The following ODAD2 variants were observed in gnomAD, a reference collection of about 807,000 sequenced individuals.
The protein encoded by ODAD2 is outer dynein arm docking complex subunit 2.
Under a neutral mutation model 106.8 loss-of-function variants are expected in ODAD2, and 89 were observed. The ratio of observed to expected loss-of-function variants is 0.83; its 90% CI spans 0.70 to 0.99. The LOEUF (loss-of-function observed/expected upper bound fraction) is 0.99. ODAD2 is among the 50% of genes least tolerant of loss of function. ODAD2 has a pLI of 0.00. For synonymous variants in ODAD2, 404 were observed against 436.2 expected (o/e 0.93, Z 0.92); for missense variants, 1,168 against 1,238.5 (o/e 0.94, Z 0.85).
intron 7 of ODAD2, among the ~76,000 whole-genome samples, chr10:27,972,836 A>G (rs1848945799): frequency 6.6e-6 from 1 of 152,288 alleles, no homozygotes; most frequent in African/African-American, 2.4e-5. Flanking sequence ...CTCAGTAATC[A>G]ATAAAATGAG....
At chr10:27,915,352 G>C (rs1014814417) in intron 16 of ODAD2, among the ~76,000 whole-genome samples, 15 of 152,108 alleles carry the variant, frequency 9.9e-5, no homozygotes, top group African/African-American at 3.6e-4. Flanking sequence ...CAGATTCAGT[G>C]TCTAGTGAGA....
chr10:27,831,257 G>A (rs1307707198), intron 19 of ODAD2, among the ~76,000 whole-genome samples: 1 of 152,112 alleles, frequency 6.6e-6, no homozygotes, highest in Non-Finnish European at 1.5e-5. Context: ...AATGCTCTAT[G>A]AATTGGAGGC....
intron 17 of ODAD2, among the ~76,000 whole-genome samples, chr10:27,894,283 T>C (rs1842730863): frequency 6.6e-6 from 1 of 151,998 alleles, no homozygotes; most frequent in African/African-American, 2.4e-5. Flanking sequence ...TGGGGAAAGT[T>C]TTGGATAGTG....
At chr10:27,844,501 G>C (rs899726703) in intron 19 of ODAD2, among the ~76,000 whole-genome samples, 1 of 152,208 alleles carries the variant, frequency 6.6e-6, no homozygotes, top group Non-Finnish European at 1.5e-5. Flanking sequence ...TCTGGCACTT[G>C]AGCAATACCT....
At chr10:27,848,992 G>A (rs1172820047) in intron 19 of ODAD2, among the ~76,000 whole-genome samples, 1 of 152,178 alleles carries the variant, frequency 6.6e-6, no homozygotes, top group East Asian at 1.9e-4. Context: ...AAGACAGTGT[G>A]GTGATTCCTC....
chr10:27,929,050 T>C (rs1845441975), intron 16 of ODAD2, among the ~76,000 whole-genome samples: 1 of 152,202 alleles, frequency 6.6e-6, no homozygotes, highest in East Asian at 1.9e-4. Flanking sequence ...ATGAACAAAA[T>C]GGGATTGTAC....
intron 16 of ODAD2, among the ~76,000 whole-genome samples, chr10:27,911,517 T>A (rs1046591402): frequency 2.6e-5 from 4 of 152,192 alleles, no homozygotes; most frequent in Non-Finnish European, 4.4e-5. Flanking sequence ...TAATCTGTAA[T>A]AAATGCTGCA....
chr10:27,985,265 T>C (rs2133138231), intron 3 of ODAD2, 54 bp from the exon 4 acceptor site: 1 of 1,346,840 alleles, frequency 7.4e-7, no homozygotes, highest in Non-Finnish European at 9.9e-7. Context: ...TGTCTTCTAG[T>C]ACAACAAACA....
intron 16 of ODAD2, among the ~76,000 whole-genome samples, chr10:27,922,366 T>G (rs2133973659): frequency 6.6e-6 from 1 of 152,170 alleles, no homozygotes; most frequent in African/African-American, 2.4e-5. Flanking sequence ...GAACTTAAGC[T>G]AATTGAATCA....
chr10:27,837,852 T>C (rs948951415), intron 19 of ODAD2, among the ~76,000 whole-genome samples: 4 of 152,282 alleles, frequency 2.6e-5, no homozygotes, highest in Middle Eastern at 3.4e-3. Flanking sequence ...CTAAAGACAA[T>C]AGTTGTTCTG....
chr10:27,989,774 G>A (rs184415791), intron 2 of ODAD2, among the ~76,000 whole-genome samples: 1 of 152,302 alleles, frequency 6.6e-6, no homozygotes, highest in Non-Finnish European at 1.5e-5. Flanking sequence ...CTTGAGCCCG[G>A]GAGGCGGGAG....
chr10:27,831,622 G>T (rs1015329163), intron 19 of ODAD2, among the ~76,000 whole-genome samples: 1 of 152,222 alleles, frequency 6.6e-6, no homozygotes. Flanking sequence ...CCAAGCCCTA[G>T]ATTCCATGCT....
chr10:27,896,714 C>T (rs531250333), intron 17 of ODAD2, among the ~76,000 whole-genome samples: 1 of 152,038 alleles, frequency 6.6e-6, no homozygotes, highest in African/African-American at 2.4e-5. Flanking sequence ...TTTTTTTCTC[C>T]ATCTGTGCTT....
intron 18 of ODAD2, among the ~76,000 whole-genome samples, chr10:27,862,131 G>A (rs1840091784): frequency 6.6e-6 from 1 of 152,160 alleles, no homozygotes; most frequent in Admixed American, 6.5e-5. Context: ...GATGGTGGCG[G>A]TGAAGATGAT....
At chr10:27,850,216 G>T (rs566652601) in intron 19 of ODAD2, among the ~76,000 whole-genome samples, 37 of 152,182 alleles carry the variant, frequency 2.4e-4, no homozygotes, top group African/African-American at 8.4e-4. Flanking sequence ...AGGCCAAGAC[G>T]GGTGAATCAC....
chr10:27,917,969 G>A (rs945744388), intron 16 of ODAD2, among the ~76,000 whole-genome samples: 6 of 151,338 alleles, frequency 4.0e-5, no homozygotes, highest in African/African-American at 1.5e-4. Flanking sequence ...GACCCAAGAA[G>A]GAATTGAAAA....
chr10:27,872,604 T>C (rs960403046), intron 17 of ODAD2, among the ~76,000 whole-genome samples: 1 of 152,218 alleles, frequency 6.6e-6, no homozygotes, highest in Non-Finnish European at 1.5e-5. Flanking sequence ...CCTGCATCCA[T>C]TGAGATAATC....
chr10:27,944,728 A>C, intron 11 of ODAD2, 88 bp downstream of exon 11: 1 of 1,508,708 alleles, frequency 6.6e-7, no homozygotes, highest in Non-Finnish European at 9.1e-7. Context: ...AGAACCAGGC[A>C]ACGAGGCATG....
At chr10:27,941,485 C>G (rs1189946888) in intron 12 of ODAD2, among the ~76,000 whole-genome samples, 1 of 132,836 alleles carries the variant, frequency 7.5e-6, no homozygotes, top group African/African-American at 2.8e-5. Context: ...ATCCTGCCCC[C>G]CGAACCAAAA....
Sources: gnomAD v4.1 joint callset for allele counts (sites outside exome capture counted in the v4.1 genomes callset) on GRCh38, gnomAD v4.1.1 for gene constraint, MANE v1.5 for transcripts, NCBI Gene and HGNC (gene_info 2026-07-23, HGNC 2026-07-21) for gene names.